The following ALDH1L1 variants were observed in gnomAD, a reference collection of about 807,000 sequenced individuals.
The protein encoded by ALDH1L1 is aldehyde dehydrogenase 1 family member L1.
Under a neutral mutation model 101.1 loss-of-function variants are expected in ALDH1L1, and 68 were observed. That is an observed-to-expected ratio of 0.67 (90% CI 0.55 to 0.82). The LOEUF (loss-of-function observed/expected upper bound fraction) is 0.82. Ranked by LOEUF, ALDH1L1 falls within the 40% of genes least tolerant of loss-of-function variation. ALDH1L1 has a pLI of 0.00. For missense variants in ALDH1L1, 1,087 were observed against 1,172.7 expected (o/e 0.93, Z 1.07); for synonymous variants, 486 against 470.8 (o/e 1.03, Z -0.42).
At chr3:126,168,479 A>G (rs1452588013) in intron 1 of ALDH1L1, among the ~76,000 whole-genome samples, 4 of 152,254 alleles carry the variant, frequency 2.6e-5, no homozygotes, top group Middle Eastern at 3.4e-3. Context: ...CTGTAATACA[A>G]AAGGCTAATA....
intron 4 of ALDH1L1, 46 bp downstream of exon 4, chr3:126,157,297 A>AG (rs1291467390): frequency 5.7e-6 from 9 of 1,578,070 alleles, no homozygotes; most frequent in Non-Finnish European, 6.9e-6. Context: ...AGGATGCTTG[A>AG]GGGTGCGTCG....
chr3:126,114,895 G>A (rs2079927924), intron 17 of ALDH1L1: 5 of 574,930 alleles, frequency 8.7e-6, no homozygotes, highest in Non-Finnish European at 1.3e-5. Context: ...CCTTCCTGCT[G>A]CCCACTCCAC....
chr3:126,188,660 A>G (rs1270108960), intron 1 of ALDH1L1, among the ~76,000 whole-genome samples: 2 of 152,206 alleles, frequency 1.3e-5, no homozygotes, highest in African/African-American at 4.8e-5. Flanking sequence ...TCAACGTGTC[A>G]TTTATTCATA....
intron 9 of ALDH1L1, among the ~76,000 whole-genome samples, chr3:126,143,474 C>T (rs537550760): frequency 1.3e-5 from 2 of 152,294 alleles, no homozygotes; most frequent in Admixed American, 6.5e-5. Flanking sequence ...GACTTTTCCA[C>T]TTAATATTTT....
At chr3:126,133,979 C>G (rs1259486200) in intron 12 of ALDH1L1, among the ~76,000 whole-genome samples, 2 of 152,198 alleles carry the variant, frequency 1.3e-5, no homozygotes, top group African/African-American at 4.8e-5. Context: ...AGGGGACTGC[C>G]TAGGAACCTT....
intron 4 of ALDH1L1, chr3:126,155,763 G>T (rs776261870): frequency 5.3e-6 from 2 of 374,984 alleles, no homozygotes; most frequent in African/African-American, 2.1e-5. Context: ...TATCTTAGAT[G>T]ATTATATAAA....
chr3:126,124,221 G>T, intron 16 of ALDH1L1, 143 bp downstream of exon 16: 1 of 672,956 alleles, frequency 1.5e-6, no homozygotes, highest in Non-Finnish European at 2.5e-6. Context: ...CATGGGAGGG[G>T]CCTCCTTTGT....
At chr3:126,144,196 CT>C (rs760555999) in intron 9 of ALDH1L1, among the ~76,000 whole-genome samples, 1 of 151,966 alleles carries the variant, frequency 6.6e-6, no homozygotes, top group African/African-American at 2.4e-5. Context: ...CAAAACACTG[CT>C]GAAAAAAATT....
intron 12 of ALDH1L1, among the ~76,000 whole-genome samples, chr3:126,131,885 C>T (rs367907830): frequency 2.9e-4 from 44 of 152,260 alleles, no homozygotes; most frequent in African/African-American, 1.0e-3. Flanking sequence ...AAGAGGCTGC[C>T]CTTCCTGTCT....
At chr3:126,121,548 A>C (rs768678024) in intron 16 of ALDH1L1, among the ~76,000 whole-genome samples, 1 of 152,214 alleles carries the variant, frequency 6.6e-6, no homozygotes, top group Non-Finnish European at 1.5e-5. Flanking sequence ...GCAGGAGTGC[A>C]TTTCTGGAAG....
At chr3:126,178,100 G>A (rs2081396994) in intron 1 of ALDH1L1, among the ~76,000 whole-genome samples, 1 of 151,816 alleles carries the variant, frequency 6.6e-6, no homozygotes. Flanking sequence ...AAATAGGGGA[G>A]GCCAGGCCTA....
Position 126,110,027 on chromosome 3 carries a change from A to T in ALDH1L1, c.2264T>A (p.Leu755His). ...CTGGCAGTACTCCATCAGCTTCACA[A>T]GGTGGGCATGGTGATTCTGCGGCCC... is the stretch of plus-strand genomic sequence containing the variant. Reference protein sequence around the residue: ...DHGPQNHHAHLVKLMEYCQHG... With the variant: ...DHGPQNHHAHHVKLMEYCQHG... Residue 755 changes from leucine to histidine, a missense_variant, in exon 20 of 23, where the codon CTT becomes CAT. By Grantham distance (99) the Leu-to-His change is moderately conservative. This residue lies in a region of ALDH1L1 where 442 missense variants were observed against 535.7 expected (regional missense o/e 0.83). Coordinates refer to ENST00000393434, the MANE Select transcript of ALDH1L1 (RefSeq NM_012190.4). 1 of 1,614,218 alleles carries T rather than the reference A, an allele frequency of 6.2e-7. No homozygotes were observed. Among genetic ancestry groups the T allele is most frequent in the East Asian group, 2.2e-5 (1 of 44,892 alleles).
At chr3:126,158,748 C>G (rs1217073351) in intron 2 of ALDH1L1, 109 bp from the exon 3 acceptor site, 1 of 1,028,640 alleles carries the variant, frequency 9.7e-7, no homozygotes, top group Non-Finnish European at 1.4e-6. Flanking sequence ...ATTCCTGCCC[C>G]CTCACCCACA....
chr3:126,134,276 G>GC (rs141960622), intron 12 of ALDH1L1, among the ~76,000 whole-genome samples: 6,935 of 152,250 alleles, frequency 0.046, 511 homozygotes, highest in African/African-American at 0.16. Flanking sequence ...TGCCCAGGGT[G>GC]CCCCCCTCAC....
chr3:126,192,561 C>A (rs2081558949), intron 1 of ALDH1L1, among the ~76,000 whole-genome samples: 1 of 152,184 alleles, frequency 6.6e-6, no homozygotes, highest in Admixed American at 6.5e-5. Flanking sequence ...AACATTAACT[C>A]CTGCTCTGCA....
chr3:126,162,202 T>C (rs1029590405), intron 1 of ALDH1L1, among the ~76,000 whole-genome samples: 2 of 152,220 alleles, frequency 1.3e-5, no homozygotes, highest in Non-Finnish European at 2.9e-5. Flanking sequence ...ATGGTACACA[T>C]GTACACATCT....
intron 1 of ALDH1L1, among the ~76,000 whole-genome samples, chr3:126,194,665 T>A (rs943138391): frequency 6.6e-6 from 1 of 152,202 alleles, no homozygotes; most frequent in Non-Finnish European, 1.5e-5. Context: ...TTTTACCAGA[T>A]TAATTTTTAG....
upstream of ALDH1L1, chr3:126,180,960 AC>A: frequency 6.2e-7 from 1 of 1,610,690 alleles, no homozygotes; most frequent in Non-Finnish European, 8.5e-7. Flanking sequence ...TGGGCCAAGT[AC>A]CTGCCATGTG....
Position 126,147,270 on chromosome 3 carries a change from G to T in ALDH1L1, c.985-344C>A, listed in dbSNP as rs558631143. Among the ~76,000 whole-genome samples, 633 of 152,288 alleles carry T rather than the reference G, an allele frequency of 4.2e-3. 2 individuals carry two copies. Among genetic ancestry groups the T allele is most frequent in the Non-Finnish European group, 7.5e-3 (511 of 68,014 alleles). On this transcript the variant is annotated intron_variant, in intron 8 of 22. Transcript: ENST00000393434. ...CATGGCTGGGGACTAGGAAGGTGGG[G>T]CCCAGCTGCTCCTGACCCCCACTCA... is the stretch of plus-strand genomic sequence containing the variant.
Sources: gnomAD v4.1 joint callset for allele counts (sites outside exome capture counted in the v4.1 genomes callset) on GRCh38, gnomAD v4.1.1 for gene constraint, gnomAD v4.1.1 regional missense constraint, MANE v1.5 for transcripts, NCBI Gene and HGNC (gene_info 2026-07-23, HGNC 2026-07-21) for gene names.